ZNF469: variants seen among roughly 807,000 people sequenced by gnomAD.
ZNF469 encodes the protein zinc finger protein 469.
In ZNF469, 1 loss-of-function variant was observed where a neutral mutation model predicts 1.0. The ratio of observed to expected loss-of-function variants is 1.00; its 90% CI spans 0.35 to 4.73. The LOEUF is 4.73. ZNF469 is among the 30% of genes most tolerant of loss of function. ZNF469 has a pLI of 0.16. For missense variants in ZNF469, 6,100 were observed against 5,356.3 expected, an observed-to-expected ratio of 1.14 and a Z score of -4.33; for synonymous variants, 2,703 against 2,363.4, an observed-to-expected ratio of 1.14 and a Z score of -4.17.
chr16:88,249,842 C>T, the ZNF469 span, among the ~76,000 whole-genome samples: 1 of 152,220 alleles, frequency 6.6e-6, no homozygotes, highest in African/African-American at 2.4e-5. Context: ...GGATCACAGG[C>T]GTGAGCCCCT....
rs1905894459 is a variant in ZNF469, at chr16:88,428,768, C to G, written c.1298C>G (p.Pro433Arg). 6.5e-7 allele frequency: 1 copy of G among 1,545,626 alleles called. No individual in the cohort carries two copies. The highest frequency in any genetic ancestry group is 1.2e-5 in the South Asian group (1 of 83,982). The change falls in exon 3 of 3, where the codon CCA becomes CGA. Residue 433 changes from proline to arginine, a missense_variant. Coordinates refer to ENST00000565624, the MANE Select transcript of ZNF469 (RefSeq NM_001367624.2). ...ACCGAGCTGGCCGCCCCAGGGCCCC[C>G]ACCCGCCAGGCTGCCCCAGCTGTGG... ...PDTELAAPGPPPARLPQLWDP... is the reference protein window; with the variant it reads ...PDTELAAPGPRPARLPQLWDP...
At chr16:88,425,493 G>A (rs1567507786) in intron 2 of ZNF469, among the ~76,000 whole-genome samples, 1 of 149,144 alleles carries the variant, frequency 6.7e-6, no homozygotes, top group Non-Finnish European at 1.5e-5. Context: ...GGCAGGAGAT[G>A]TGCAGGGCTA....
chr16:88,119,820 C>T, the ZNF469 span, among the ~76,000 whole-genome samples: 1 of 152,148 alleles, frequency 6.6e-6, no homozygotes, highest in South Asian at 2.1e-4. Context: ...GGGAGCGTGT[C>T]GTAGGGAGTG....
In ZNF469 at chr16:88,429,947, C is replaced by G. The variant is rs772056680; in HGVS notation, c.2477C>G (p.Pro826Arg). 3 of 1,550,210 alleles carry G rather than the reference C, an allele frequency of 1.9e-6. No individual in the cohort carries two copies. In the African/African-American group the frequency reaches 4.1e-5, roughly 21 times the overall value. Residue 826 changes from proline (P) to arginine (R), a missense_variant, in exon 3 of 3, where the codon CCG becomes CGG. Coordinates refer to ENST00000565624, the MANE Select transcript of ZNF469 (RefSeq NM_001367624.2). ...FLPSLAATPF[P>R]LPASDLDMED... Reference sequence around the variant, plus strand: ...CCCAGCCTGGCCGCCACCCCCTTCCCGCTCCCTGCCTCGGACCTGGACATG... The same window carrying G: ...CCCAGCCTGGCCGCCACCCCCTTCCGGCTCCCTGCCTCGGACCTGGACATG...
Position 88,438,066 on chromosome 16 carries a change from C to T in ZNF469, c.10596C>T (p.Asp3532=), listed in dbSNP as rs751846178. 1.9e-6 allele frequency: 3 copies of T among 1,550,416 alleles called. No homozygotes were observed. Among genetic ancestry groups the T allele is most frequent in the South Asian group, 2.4e-5 (2 of 84,066 alleles). Residue 3532 remains aspartate (D), a synonymous_variant, in exon 3 of 3, where the codon GAC becomes GAT. Transcript: ENST00000565624. ...CCGAGACCCTAGAGAGGCCTGTAGACCCCGTGACCCACCCGATCAGAGGTT... is the reference window on the plus strand; with the variant it reads ...CCGAGACCCTAGAGAGGCCTGTAGATCCCGTGACCCACCCGATCAGAGGTT... ...GWPETLERPV[D]PVTHPIRGCE...
chr16:88,402,315 C>G (rs1015380597), intron 1 of ZNF469, among the ~76,000 whole-genome samples: 4 of 152,112 alleles, frequency 2.6e-5, no homozygotes, highest in Admixed American at 6.5e-5. Context: ...CCATCTAGTG[C>G]AGGAAGCAGA....
At chr16:88,161,379 G>A in the ZNF469 span, among the ~76,000 whole-genome samples, 38 of 152,272 alleles carry the variant, frequency 2.5e-4, no homozygotes, top group African/African-American at 8.7e-4. Flanking sequence ...CTGCCTGCAG[G>A]TGTGTGCTCA....
the ZNF469 span, among the ~76,000 whole-genome samples, chr16:88,135,922 G>A: frequency 1.3e-5 from 2 of 151,840 alleles, no homozygotes. Flanking sequence ...CAACACGCCC[G>A]GCTAATTTTT....
Position 88,436,977 on chromosome 16 carries a change from G to A in ZNF469, c.9507G>A (p.Gln3169=), listed in dbSNP as rs1251847149. The change falls in exon 3 of 3, where the codon CAG becomes CAA. Residue 3169 remains glutamine, a synonymous_variant. Coordinates refer to ENST00000565624, the MANE Select transcript of ZNF469 (RefSeq NM_001367624.2). ...GGCACCTGCAGGAGAGGCACGCGCA[G>A]AGCAAGGCCGGGCCCTGGGCGTGCG... ...LRGHLQERHA[Q]SKAGPWACGM... 18 of 1,512,822 alleles carry A rather than the reference G, an allele frequency of 1.2e-5. No individual in the cohort carries two copies. Among genetic ancestry groups the A allele is most frequent in the Non-Finnish European group, 1.5e-5 (17 of 1,132,596 alleles). The allele number at this position is 1,512,822 out of a possible 1,614,324, so 93.7% of individuals were successfully genotyped here. A position where few individuals can be genotyped will look rare whatever the true frequency, so the allele number is the denominator to read the frequency against.
the ZNF469 span, among the ~76,000 whole-genome samples, chr16:88,253,395 C>A: frequency 2.0e-5 from 3 of 151,842 alleles, no homozygotes; most frequent in Non-Finnish European, 4.4e-5. Flanking sequence ...TTTTAGTGAG[C>A]GTGAGGCTGC....
chr16:88,188,626 C>A, the ZNF469 span, among the ~76,000 whole-genome samples: 11 of 152,320 alleles, frequency 7.2e-5, no homozygotes, highest in African/African-American at 2.6e-4. Flanking sequence ...GGCAGGAGGT[C>A]TGGGATGCCC....
chr16:88,111,079 C>T, the ZNF469 span, among the ~76,000 whole-genome samples: 2 of 152,220 alleles, frequency 1.3e-5, no homozygotes, highest in Admixed American at 6.5e-5. Flanking sequence ...GCACCTGGGC[C>T]GGTGCGACTT....
chr16:88,385,762 G>A (rs1308209611), intron 1 of ZNF469, among the ~76,000 whole-genome samples: 1 of 152,166 alleles, frequency 6.6e-6, no homozygotes, highest in Non-Finnish European at 1.5e-5. Flanking sequence ...AGCTGCTAGG[G>A]GCTGTGTGGC....
intron 1 of ZNF469, among the ~76,000 whole-genome samples, chr16:88,404,348 G>T (rs187594956): frequency 6.6e-6 from 1 of 152,210 alleles, no homozygotes; most frequent in African/African-American, 2.4e-5. Context: ...TGAGAGGCCC[G>T]GCAGACTGGC....
the ZNF469 span, among the ~76,000 whole-genome samples, chr16:88,358,920 A>G: frequency 6.6e-6 from 1 of 151,988 alleles, no homozygotes; most frequent in East Asian, 1.9e-4. Context: ...CCCTTGGTGG[A>G]CACCTGGGAT....
the ZNF469 span, among the ~76,000 whole-genome samples, chr16:88,236,250 A>G: frequency 6.6e-6 from 1 of 152,240 alleles, no homozygotes; most frequent in Non-Finnish European, 1.5e-5. Flanking sequence ...GATTTTCCCC[A>G]CAAGAGACAG....
At chr16:88,360,169 C>T in the ZNF469 span, among the ~76,000 whole-genome samples, 2 of 150,778 alleles carry the variant, frequency 1.3e-5, no homozygotes, top group African/African-American at 4.9e-5. Flanking sequence ...TACAGGTGCA[C>T]ACCATCACGC....
At chr16:88,126,995 T>G in the ZNF469 span, among the ~76,000 whole-genome samples, 1 of 152,144 alleles carries the variant, frequency 6.6e-6, no homozygotes, top group Non-Finnish European at 1.5e-5. Flanking sequence ...ATTTTTGTAT[T>G]TTTAGTAGAG....
chr16:88,239,822 A>G, the ZNF469 span, among the ~76,000 whole-genome samples: 1 of 148,540 alleles, frequency 6.7e-6, no homozygotes, highest in Non-Finnish European at 1.5e-5. Context: ...GGCCTCCCAA[A>G]GTGCTAGGAT....
Sources: gnomAD v4.1 joint callset for allele counts (sites outside exome capture counted in the v4.1 genomes callset) on GRCh38, gnomAD v4.1.1 for gene constraint, MANE v1.5 for transcripts, NCBI Gene and HGNC (gene_info 2026-07-23, HGNC 2026-07-21) for gene names.